PSMA4: variants seen among roughly 807,000 people sequenced by gnomAD.
The protein encoded by PSMA4 is proteasome 20S subunit alpha 4.
A neutral mutation model predicts 37.2 loss-of-function variants in PSMA4; 8 were observed. The observed-to-expected ratio is 0.22, with a 90% CI of 0.13 to 0.39. PSMA4 has a LOEUF of 0.39. PSMA4 is among the 10% of genes least tolerant of loss of function. The pLI, the probability that PSMA4 is intolerant of heterozygous loss-of-function variation, is 1.00. For synonymous variants in PSMA4, 93 were observed against 98.8 expected, an observed-to-expected ratio of 0.94 and a Z score of 0.35; for missense variants, 169 against 305.1, an observed-to-expected ratio of 0.55 and a Z score of 3.32.
At chr15:78,542,348 T>C in intron 3 of PSMA4, 129 bp downstream of exon 3, 1 of 1,370,726 alleles carries the variant, frequency 7.3e-7, no homozygotes, top group African/African-American at 1.5e-5. Context: ...GCAATTATCA[T>C]CACCAGGTTG....
chr15:78,544,474 T>A, intron 5 of PSMA4: 1 of 499,014 alleles, frequency 2.0e-6, no homozygotes, highest in Non-Finnish European at 3.6e-6. Context: ...TTAATTTTTG[T>A]ATTTTTAGTA....
chr15:78,548,328 G>C (rs971217959), intron 8 of PSMA4, among the ~76,000 whole-genome samples: 1 of 151,966 alleles, frequency 6.6e-6, no homozygotes, highest in Non-Finnish European at 1.5e-5. Flanking sequence ...AGTTTCCCTG[G>C]TACAAAAAAA....
At position 78,549,045 on chromosome 15, in the gene PSMA4, G is replaced by A. The variant is rs2052607108; in HGVS notation, c.*101G>A. 1 of 1,429,546 alleles carries A rather than the reference G, an allele frequency of 7.0e-7. No homozygotes were observed. The highest frequency in any genetic ancestry group is 9.2e-7 in the Non-Finnish European group (1 of 1,090,386). 88.6% of individuals were successfully genotyped at this position (1,429,546 alleles called of 1,614,324 possible). A position where few individuals can be genotyped will look rare whatever the true frequency, so the allele number is the denominator to read the frequency against. ...TTTACTTTTTTTAACTGGTGCAGTG[G>A]GAAAATAGGACATTACATACTGAAT... On this transcript the variant is annotated 3_prime_UTR_variant, in exon 9 of 9. Coordinates refer to ENST00000044462, the MANE Select transcript of PSMA4 (RefSeq NM_002789.6).
chr15:78,540,679 C>G (rs1054500457), intron 1 of PSMA4, 140 bp downstream of exon 1: 3 of 152,216 alleles, frequency 2.0e-5, no homozygotes, highest in African/African-American at 7.2e-5. Flanking sequence ...ACCGCCTCCT[C>G]TGTGACGGAC....
At chr15:78,543,986 G>A in intron 4 of PSMA4, 4 of 507,660 alleles carry the variant, frequency 7.9e-6, no homozygotes, top group Non-Finnish European at 7.0e-6. Context: ...AACTTAAAGG[G>A]TGCATTTGTT....
rs1428669620 is a variant in PSMA4 at position 78,550,951 on chromosome 15, C to T, written c.*2007C>T. The T allele has an allele frequency of 6.6e-6, 1 of 152,142 alleles. No individual in the cohort carries two copies. The highest frequency in any genetic ancestry group is 1.5e-5 in the Non-Finnish European group (1 of 68,028). The allele number at this position is 152,142 out of a possible 1,614,324, so 9.4% of individuals were successfully genotyped here. A position where few individuals can be genotyped will look rare whatever the true frequency, so the allele number is the denominator to read the frequency against. ...ATCAGCAAGTAGTGAAGATGAATGG[C>T]ACGTCTTCACCCTCCAGTCTTGCTA... On this transcript the variant is annotated 3_prime_UTR_variant, in exon 9 of 9. Coordinates refer to ENST00000044462, the MANE Select transcript of PSMA4 (RefSeq NM_002789.6).
At chr15:78,546,767 T>TA in intron 8 of PSMA4, 69 bp downstream of exon 8, 4 of 1,464,478 alleles carry the variant, frequency 2.7e-6, no homozygotes, top group Non-Finnish European at 3.6e-6. Flanking sequence ...AAGATTTTTT[T>TA]CTTTTTTTTT....
chr15:78,549,249 G>T lies in PSMA4; in HGVS notation c.*305G>T. On this transcript the variant is annotated 3_prime_UTR_variant, in exon 9 of 9. Coordinates refer to ENST00000044462, the MANE Select transcript of PSMA4 (RefSeq NM_002789.6). ...TTAAATATACAAAAACTGACAGGGC[G>T]ATTACTTTTTGCACATTGTGGCTTA... The T allele has an allele frequency of 4.8e-6, 1 of 206,542 alleles. No homozygotes were observed. Among genetic ancestry groups the T allele is most frequent in the Non-Finnish European group, 9.2e-6 (1 of 108,210 alleles). The allele number at this position is 206,542 out of a possible 1,614,324, so 12.8% of individuals were successfully genotyped here. A position where few individuals can be genotyped will look rare whatever the true frequency, so the allele number is the denominator to read the frequency against.
chr15:78,549,092 C>A lies in PSMA4; in HGVS notation c.*148C>A. On this transcript the variant is annotated 3_prime_UTR_variant, in exon 9 of 9. Coordinates refer to ENST00000044462, the MANE Select transcript of PSMA4 (RefSeq NM_002789.6). ...GAATTGGGTCCTTGTCATTTCTGTC[C>A]AATTGAATACTTTATTGTAACGATG... 8.6e-7 allele frequency: 1 copy of A among 1,166,340 alleles called. No homozygotes were observed. Among genetic ancestry groups the A allele is most frequent in the Non-Finnish European group, 1.1e-6 (1 of 899,670 alleles). The allele number at this position is 1,166,340 out of a possible 1,614,324, so 72.2% of individuals were successfully genotyped here.
intron 8 of PSMA4, among the ~76,000 whole-genome samples, chr15:78,547,764 G>A (rs1036849512): frequency 6.6e-6 from 1 of 152,074 alleles, no homozygotes; most frequent in African/African-American, 2.4e-5. Context: ...TTGAACCTGG[G>A]AAGCGGAGGC....
At chr15:78,546,226 T>C (rs1488743514) in intron 7 of PSMA4, among the ~76,000 whole-genome samples, 3 of 152,112 alleles carry the variant, frequency 2.0e-5, no homozygotes. Flanking sequence ...GGCAAATTGC[T>C]CGAGCTCAGG....
rs534546902 is a variant in PSMA4, at chr15:78,542,166, T to C, written c.4-11T>C. 1 of 1,612,162 alleles carries C rather than the reference T, an allele frequency of 6.2e-7. No individual in the cohort carries two copies. Among genetic ancestry groups the C allele is most frequent in the East Asian group, 2.2e-5 (1 of 44,864 alleles). ...GTGGGTAGGAATCACTCATGTGTTTTTCCTTTGCAGTCTCGAAGATATGAC... is the reference window on the plus strand; with the variant it reads ...GTGGGTAGGAATCACTCATGTGTTTCTCCTTTGCAGTCTCGAAGATATGAC... On this transcript the variant is annotated splice_polypyrimidine_tract_variant and intron_variant, in intron 2 of 8. Coordinates refer to ENST00000044462, the MANE Select transcript of PSMA4 (RefSeq NM_002789.6).
In PSMA4 at chr15:78,544,893, A is replaced by G; in HGVS notation, c.312A>G (p.Pro104=). 1 of 1,610,856 alleles carries G rather than the reference A, an allele frequency of 6.2e-7. No individual in the cohort carries two copies. Among genetic ancestry groups the G allele is most frequent in the Non-Finnish European group, 8.5e-7 (1 of 1,177,328 alleles). The change falls in exon 6 of 9, where the codon CCA becomes CCG. Residue 104 remains proline (P), a synonymous_variant. Coordinates refer to ENST00000044462, the MANE Select transcript of PSMA4 (RefSeq NM_002789.6). ...GGTATTTATTACAGTATCAGGAGCC[A>G]ATACCTTGTGAGCAGTTGGTTACAG... is the stretch of plus-strand genomic sequence containing the variant. ...AQRYLLQYQE[P]IPCEQLVTAL...
Position 78,545,613 on chromosome 15 carries a change from G to C in PSMA4, c.377-21G>C, listed in dbSNP as rs185419786. 5.8e-5 allele frequency: 93 copies of C among 1,611,310 alleles called. No homozygotes were observed. The African/African-American group carries it at 1.0e-3, about 17-fold the overall frequency. On this transcript the variant is annotated intron_variant, in intron 6 of 8. Coordinates refer to ENST00000044462, the MANE Select transcript of PSMA4 (RefSeq NM_002789.6). ...CTAAATTTAGATTATTGATATGTTT[G>C]GCTTTTTTTCTTTGTTAAAGGAAAA...
At position 78,552,354 on chromosome 15, in the gene PSMA4, T is replaced by G; in HGVS notation, c.*3410T>G. 1 of 152,220 alleles carries G rather than the reference T, an allele frequency of 6.6e-6. No homozygotes were observed. The allele number at this position is 152,220 out of a possible 1,614,324, so 9.4% of individuals were successfully genotyped here. A position where few individuals can be genotyped will look rare whatever the true frequency, so the allele number is the denominator to read the frequency against. On this transcript the variant is annotated 3_prime_UTR_variant, in exon 9 of 9. Coordinates refer to ENST00000044462, the MANE Select transcript of PSMA4 (RefSeq NM_002789.6). The stretch of plus-strand genomic sequence containing the variant: ...TTGAGTCAAAACTTTAAAATCAAAG[T>G]CAAATTGATTTCATTTTGGTGAGCT...
chr15:78,545,592 A>G (rs1229853150), intron 6 of PSMA4, 42 bp from the exon 7 acceptor site: 59 of 1,599,678 alleles, frequency 3.7e-5, no homozygotes, highest in Non-Finnish European at 4.8e-5. Flanking sequence ...GTGATACTAA[A>G]TTTAGATTAT....
intron 7 of PSMA4, among the ~76,000 whole-genome samples, chr15:78,546,049 C>A (rs2052545626): frequency 6.6e-6 from 1 of 152,048 alleles, no homozygotes; most frequent in South Asian, 2.1e-4. Flanking sequence ...CTATGACAGA[C>A]CCCTTGGGAG....
At position 78,544,018 on chromosome 15, in the gene PSMA4, T is replaced by TC. The variant is rs1284216417; in HGVS notation, c.210-171dup. The TC allele has an allele frequency of 4.0e-5, 22 of 544,604 alleles. 1 individual carries two copies. In the East Asian group the frequency reaches 6.3e-4, roughly 16 times the overall value. The allele number at this position is 544,604 out of a possible 1,614,324, so 33.7% of individuals were successfully genotyped here. The stretch of plus-strand genomic sequence containing the variant: ...TGTTTATCTTTCATGTTGAGTGACA[T>TC]CGAGTAAACATCTCCTACAAAGATA... On this transcript the variant is annotated intron_variant, in intron 4 of 8. Coordinates refer to ENST00000044462, the MANE Select transcript of PSMA4 (RefSeq NM_002789.6).
intron 4 of PSMA4, 169 bp from the exon 5 acceptor site, chr15:78,544,021 A>G (rs112624889): frequency 1.8e-6 from 1 of 552,790 alleles, no homozygotes; most frequent in Non-Finnish European, 3.2e-6. Flanking sequence ...AGTGACATCG[A>G]GTAAACATCT....
Sources: allele counts gnomAD v4.1 joint callset (sites outside exome capture counted in the v4.1 genomes callset), GRCh38; gene constraint gnomAD v4.1.1; transcripts MANE v1.5; gene names NCBI Gene and HGNC (gene_info 2026-07-23, HGNC 2026-07-21).